VPS16: variants seen among roughly 807,000 people sequenced by gnomAD.
VPS16 encodes the protein VPS16 core subunit of CORVET and HOPS complexes, also known as vacuolar protein sorting-associated protein 16 homolog.
VPS16 carries 82 observed loss-of-function variants against 116.0 expected under a neutral mutation model. The ratio of observed to expected loss-of-function variants is 0.71; its 90% CI spans 0.59 to 0.85. The LOEUF (loss-of-function observed/expected upper bound fraction) is 0.85, where lower values mean the gene tolerates loss of function less well. Among genes scored for constraint, VPS16 ranks in the 40% least tolerant of loss-of-function variants. The pLI is 0.00. For missense variants in VPS16, 928 were observed against 1,090.6 expected, an observed-to-expected ratio of 0.85 and a Z score of 2.10; for synonymous variants, 406 against 420.7, an observed-to-expected ratio of 0.96 and a Z score of 0.43.
At chr20:2,853,675 A>AT (rs948375431) in intron 1 of VPS16, among the ~76,000 whole-genome samples, 5 of 151,504 alleles carry the variant, frequency 3.3e-5, no homozygotes, top group African/African-American at 9.7e-5. Flanking sequence ...TTTTATTTTT[A>AT]TTTTTTTTAT....
intron 1 of VPS16, among the ~76,000 whole-genome samples, chr20:2,854,895 A>G (rs998808806): frequency 4.0e-5 from 5 of 124,392 alleles, no homozygotes; most frequent in African/African-American, 2.0e-4. Context: ...TAAAGACAAC[A>G]TTAATCTCCT....
chr20:2,865,515 C>G lies in VPS16; in HGVS notation c.2271+20C>G. ...TACCTGGTGAGGCAGGGTCCTCCCT[C>G]CAGCCCACTTCCAGTGAGGGTAGTC... is the stretch of plus-strand genomic sequence containing the variant. On this transcript the variant is annotated intron_variant, in intron 22 of 23. Transcript: ENST00000380445. The surrounding 1 kb of genome is among the most constrained non-coding windows in gnomAD (Gnocchi z 5.2). 6.2e-7 allele frequency: 1 copy of G among 1,608,082 alleles called. No homozygotes were observed. Among genetic ancestry groups the G allele is most frequent in the Non-Finnish European group, 8.5e-7 (1 of 1,176,208 alleles).
intron 1 of VPS16, among the ~76,000 whole-genome samples, chr20:2,854,267 AT>A (rs1195046253): frequency 1.3e-5 from 2 of 151,198 alleles, no homozygotes; most frequent in South Asian, 2.1e-4. Context: ...ACACACACAA[AT>A]TTTTTAGCCA....
chr20:2,855,792 C>T (rs2089166698), intron 1 of VPS16, among the ~76,000 whole-genome samples: 2 of 152,224 alleles, frequency 1.3e-5, no homozygotes, highest in Middle Eastern at 3.2e-3. Context: ...TCTGCAGCTT[C>T]CTCACCTGTC....
Position 2,865,080 on chromosome 20 carries a change from C to T in VPS16, c.2004+25C>T, listed in dbSNP as rs746047389. 5.7e-5 allele frequency: 92 copies of T among 1,614,038 alleles called. No homozygotes were observed. The East Asian group carries it at 2.0e-3, about 36-fold the overall frequency. On this transcript the variant is annotated intron_variant, in intron 20 of 23. Coordinates refer to ENST00000380445, the MANE Select transcript of VPS16 (RefSeq NM_022575.4). The surrounding 1 kb of genome is among the most constrained non-coding windows in gnomAD (Gnocchi z 5.2). ...GGTTTGGCCCACCTTTTTCCAAGAG[C>T]CTCCTCGTCTCCTGGTCTTCCCTCC...
intron 1 of VPS16, among the ~76,000 whole-genome samples, chr20:2,845,512 A>G (rs986719242): frequency 6.6e-6 from 1 of 152,012 alleles, no homozygotes; most frequent in East Asian, 1.9e-4. Flanking sequence ...TGATACATAA[A>G]CATGAACTTT....
At position 2,842,741 on chromosome 20, in the gene VPS16, T is replaced by TACATATAGATGTATCTATCTATAGATAG. The variant is rs1568620765; in HGVS notation, c.53+1990_53+2017dup. On this transcript the variant is annotated intron_variant, in intron 1 of 23. Transcript: ENST00000380445. ...ACATATGGATGTATCTATCTATAGA[T>TACATATAGATGTATCTATCTATAGATAG]ACATATAGATGTATCTATCTATAGA... Among the ~76,000 whole-genome samples, 4 of 22,406 alleles carry TACATATAGATGTATCTATCTATAGATAG rather than the reference T, an allele frequency of 1.8e-4. 1 individual carries two copies. The highest frequency in any genetic ancestry group is 6.2e-4 in the African/African-American group (2 of 3,214). 14.7% of individuals were successfully genotyped at this position (22,406 alleles called of 152,430 possible).
intron 1 of VPS16, among the ~76,000 whole-genome samples, chr20:2,856,193 G>C (rs2089170017): frequency 1.3e-5 from 2 of 152,274 alleles, no homozygotes; most frequent in South Asian, 4.2e-4. Context: ...AGGAAGGCCT[G>C]AAGAGAGAGA....
At chr20:2,855,005 GGC>G (rs1208951243) in intron 1 of VPS16, among the ~76,000 whole-genome samples, 8 of 126,972 alleles carry the variant, frequency 6.3e-5, no homozygotes, top group Non-Finnish European at 1.2e-4. Context: ...GTGTCACCCA[GGC>G]TGGAGTGCAG....
intron 1 of VPS16, among the ~76,000 whole-genome samples, chr20:2,841,487 C>G (rs2088973764): frequency 2.0e-5 from 3 of 152,216 alleles, no homozygotes; most frequent in African/African-American, 7.2e-5. Flanking sequence ...CCAAATCTTG[C>G]GTTCCAGCTG....
In VPS16 at chr20:2,853,468, T is replaced by A. The variant is rs572721419; in HGVS notation, c.54-6251T>A. On this transcript the variant is annotated intron_variant, in intron 1 of 23. Coordinates refer to ENST00000380445, the MANE Select transcript of VPS16 (RefSeq NM_022575.4). Reference sequence around the variant, plus strand: ...AGAAGCAAATCCTTATTTGTTCAAGTGCTGAGATTGAAGCAATTCAGTCAC... The same window carrying A: ...AGAAGCAAATCCTTATTTGTTCAAGAGCTGAGATTGAAGCAATTCAGTCAC... 2.2e-4 allele frequency among the ~76,000 whole-genome samples: 34 copies of A among 152,238 alleles called. No individual in the cohort carries two copies. The South Asian group carries it at 2.9e-3, about 13-fold the overall frequency.
rs753199606 is a variant in VPS16, at chr20:2,864,301, T to TG, written c.1720+20dup. The TG allele has an allele frequency of 3.1e-6, 5 of 1,613,912 alleles. No homozygotes were observed. The highest frequency in any genetic ancestry group is 2.2e-5 in the South Asian group (2 of 91,050). On this transcript the variant is annotated intron_variant, in intron 17 of 23. Transcript: ENST00000380445. This position sits in a 1 kb window ranked among gnomAD's most constrained non-coding sequence, Gnocchi z 5.2. ...ACACTGACCTGGGTGAGGGCAAGGC[T>TG]GGGGGGCCCCTGGGCTAAGTGGGAG...
chr20:2,852,830 T>A (rs2089134991), intron 1 of VPS16, among the ~76,000 whole-genome samples: 2 of 152,230 alleles, frequency 1.3e-5, no homozygotes, highest in African/African-American at 2.4e-5. Context: ...TACTAATTAA[T>A]CTGAGTTGTG....
chr20:2,843,435 GA>G (rs77758460), intron 1 of VPS16, among the ~76,000 whole-genome samples: 130 of 137,604 alleles, frequency 9.4e-4, no homozygotes, highest in Middle Eastern at 4.1e-3. Context: ...CCATCTTGGG[GA>G]AAAAAAAAAA....
At position 2,865,336 on chromosome 20, in the gene VPS16, T is replaced by C; in HGVS notation, c.2174+19T>C. 6.2e-7 allele frequency: 1 copy of C among 1,614,150 alleles called. No individual in the cohort carries two copies. Among genetic ancestry groups the C allele is most frequent in the South Asian group, 1.1e-5 (1 of 91,078 alleles). ...ACAAGAGGTAGGTGAGGGCCCAGGC[T>C]GCATGTGGGTCCCAGGACCACCTGC... On this transcript the variant is annotated intron_variant, in intron 21 of 23. Transcript: ENST00000380445. The surrounding 1 kb of genome is among the most constrained non-coding windows in gnomAD (Gnocchi z 5.2).
chr20:2,864,669 G>A lies in VPS16; in HGVS notation c.1926+15G>A. On this transcript the variant is annotated intron_variant, in intron 19 of 23. Coordinates refer to ENST00000380445, the MANE Select transcript of VPS16 (RefSeq NM_022575.4). This position sits in a 1 kb window ranked among gnomAD's most constrained non-coding sequence, Gnocchi z 5.2. ...CTGCAGAAGAGGTCTGAGATCCATG[G>A]GGCGTGTGGGGCGTGTGGGGCATGT... 6.3e-7 allele frequency: 1 copy of A among 1,597,248 alleles called. No individual in the cohort carries two copies. Among genetic ancestry groups the A allele is most frequent in the South Asian group, 1.1e-5 (1 of 90,932 alleles).
In VPS16 at chr20:2,861,828, A is replaced by T. The variant is rs2089231637; in HGVS notation, c.923A>T (p.Tyr308Phe). 6.2e-7 allele frequency: 1 copy of T among 1,613,816 alleles called. No individual in the cohort carries two copies. Among genetic ancestry groups the T allele is most frequent in the African/African-American group, 1.3e-5 (1 of 74,906 alleles). Reference sequence around the variant, plus strand: ...AGGTTTGTGCTGGATGAGGACTCCTACCTGGTGCCTGAGCTCGATGGGGTC... The same window carrying T: ...AGGTTTGTGCTGGATGAGGACTCCTTCCTGGTGCCTGAGCTCGATGGGGTC... ...SIQFVLDEDSYLVPELDGVRI... is the reference protein window; with the variant it reads ...SIQFVLDEDSFLVPELDGVRI... The change falls in exon 10 of 24, where the codon TAC becomes TTC. Residue 308 changes from tyrosine to phenylalanine, a missense_variant. By Grantham distance (22) the Tyr-to-Phe change is conservative (BLOSUM62 3). Coordinates refer to ENST00000380445, the MANE Select transcript of VPS16 (RefSeq NM_022575.4).
chr20:2,859,843 C>T, intron 2 of VPS16, 36 bp downstream of exon 2: 3 of 1,592,770 alleles, frequency 1.9e-6, no homozygotes, highest in Non-Finnish European at 2.6e-6. Context: ...GCTCTGGGAC[C>T]CTGGGATGAA....
intron 1 of VPS16, among the ~76,000 whole-genome samples, chr20:2,844,783 C>G (rs1381400208): frequency 6.6e-6 from 1 of 151,996 alleles, no homozygotes; most frequent in Admixed American, 6.6e-5. Context: ...AGCATATACA[C>G]AAAAGTCTTG....
Sources: allele counts gnomAD v4.1 joint callset (sites outside exome capture counted in the v4.1 genomes callset), GRCh38; gene constraint gnomAD v4.1.1; non-coding constraint Gnocchi (gnomAD v3.1); transcripts MANE v1.5; gene names NCBI Gene and HGNC (gene_info 2026-07-23, HGNC 2026-07-21).